Variants in SORCS1 observed in about 807,000 individuals in gnomAD.
The protein encoded by SORCS1 is sortilin related VPS10 domain containing receptor 1, also known as VPS10 domain-containing receptor SorCS1.
Under a neutral mutation model 146.1 loss-of-function variants are expected in SORCS1, and 60 were observed. The observed-to-expected ratio is 0.41, with a 90% CI of 0.33 to 0.51. SORCS1 has a LOEUF of 0.51. SORCS1 is among the 20% of genes least tolerant of loss of function. The pLI, the probability that SORCS1 is intolerant of heterozygous loss-of-function variation, is 0.21. For synonymous variants in SORCS1, 637 were observed against 584.0 expected (o/e 1.09, Z -1.31); for missense variants, 1,352 against 1,487.6 (o/e 0.91, Z 1.50).
At chr10:106,631,504 G>T (rs1848438747) in intron 18 of SORCS1, among the ~76,000 whole-genome samples, 1 of 152,184 alleles carries the variant, frequency 6.6e-6, no homozygotes, top group Admixed American at 6.5e-5. Context: ...GCCCACTTTT[G>T]AAGCAAGTAT....
At position 106,998,784 on chromosome 10, in the gene SORCS1, A is replaced by G. The variant is rs992093250; in HGVS notation, c.559-42204T>C. On this transcript the variant is annotated intron_variant, in intron 1 of 25. Transcript: ENST00000263054. ...ACTGGTGGTTATATCTCCTCTAAAA[A>G]TAACCTCTCTGATACACTGAGCTCC... 3.3e-5 allele frequency among the ~76,000 whole-genome samples: 5 copies of G among 152,240 alleles called. No individual in the cohort carries two copies. The East Asian group carries it at 9.6e-4, about 29-fold the overall frequency.
chr10:107,034,680 C>CAAAA lies in SORCS1; in HGVS notation c.559-78104_559-78101dup, dbSNP rs553032484. ...GGGAAACATGAGCGAAACTCCATCT[C>CAAAA]AAAAAAAAAAAAAAAAAAAAAAAAA... On this transcript the variant is annotated intron_variant, in intron 1 of 25. Transcript: ENST00000263054. Among the ~76,000 whole-genome samples the CAAAA allele has an allele frequency of 1.8e-3, 25 of 13,794 alleles. 3 individuals are homozygous for CAAAA. Among genetic ancestry groups the CAAAA allele is most frequent in the Non-Finnish European group, 1.8e-3 (15 of 8,162 alleles). The allele number at this position is 13,794 out of a possible 152,430, so 9.0% of individuals were successfully genotyped here.
intron 10 of SORCS1, among the ~76,000 whole-genome samples, chr10:106,683,029 G>A (rs1852560306): frequency 6.6e-6 from 1 of 152,122 alleles, no homozygotes; most frequent in Admixed American, 6.6e-5. Context: ...TCTTTTCTGG[G>A]TCAGGTACAA....
chr10:106,749,731 A>C (rs1433458687), intron 5 of SORCS1, among the ~76,000 whole-genome samples: 2 of 152,182 alleles, frequency 1.3e-5, no homozygotes, highest in Non-Finnish European at 2.9e-5. Flanking sequence ...AAACACATTA[A>C]TATCCAACTC....
At chr10:107,149,774 G>C (rs1968620024) in intron 1 of SORCS1, among the ~76,000 whole-genome samples, 1 of 152,134 alleles carries the variant, frequency 6.6e-6, no homozygotes. Context: ...TGTTAGCCTT[G>C]GTTCCAAATA....
intron 1 of SORCS1, among the ~76,000 whole-genome samples, chr10:107,071,321 G>A (rs1475172224): frequency 6.6e-6 from 1 of 152,102 alleles, no homozygotes; most frequent in African/African-American, 2.4e-5. Context: ...CCGTAACAGT[G>A]TTGAAGCTTT....
chr10:106,864,085 T>C (rs1273850852), intron 2 of SORCS1, among the ~76,000 whole-genome samples: 1 of 152,180 alleles, frequency 6.6e-6, no homozygotes, highest in Non-Finnish European at 1.5e-5. Context: ...ATTCAATTAT[T>C]AGAAACTTAG....
At chr10:107,144,040 T>C (rs1968079871) in intron 1 of SORCS1, among the ~76,000 whole-genome samples, 1 of 152,168 alleles carries the variant, frequency 6.6e-6, no homozygotes, top group Non-Finnish European at 1.5e-5. Flanking sequence ...CTTCCTTTCA[T>C]GGGCTGTTCC....
chr10:106,714,638 T>C (rs1490379180), intron 6 of SORCS1, among the ~76,000 whole-genome samples: 1 of 152,170 alleles, frequency 6.6e-6, no homozygotes, highest in African/African-American at 2.4e-5. Flanking sequence ...TATATATATC[T>C]ATAAATGTAT....
At chr10:106,978,730 G>A (rs1367440697) in intron 1 of SORCS1, among the ~76,000 whole-genome samples, 12 of 151,802 alleles carry the variant, frequency 7.9e-5, no homozygotes, top group Non-Finnish European at 1.3e-4. Context: ...CCCAGGAGGC[G>A]GAGGTAGCAG....
chr10:106,619,733 C>A (rs900232874), intron 20 of SORCS1, among the ~76,000 whole-genome samples: 5 of 152,138 alleles, frequency 3.3e-5, no homozygotes, highest in African/African-American at 1.2e-4. Context: ...GCAAACCACT[C>A]CAGCTGCACC....
chr10:106,653,828 T>C (rs1175194614), intron 17 of SORCS1, among the ~76,000 whole-genome samples: 1 of 152,216 alleles, frequency 6.6e-6, no homozygotes, highest in Non-Finnish European at 1.5e-5. Flanking sequence ...CAAGTGCTCA[T>C]AAAATATTAC....
At chr10:106,621,746 T>C (rs1847760845) in intron 19 of SORCS1, among the ~76,000 whole-genome samples, 1 of 152,044 alleles carries the variant, frequency 6.6e-6, no homozygotes, top group Admixed American at 6.6e-5. Flanking sequence ...AATTTCAATT[T>C]CTTTTTTGTT....
intron 3 of SORCS1, among the ~76,000 whole-genome samples, chr10:106,777,824 C>T (rs1373890273): frequency 1.3e-5 from 2 of 152,078 alleles, no homozygotes; most frequent in African/African-American, 4.8e-5. Context: ...AGACAGGTGG[C>T]CTTAATGCTA....
intron 4 of SORCS1, among the ~76,000 whole-genome samples, chr10:106,773,133 T>C (rs1177669586): frequency 6.6e-6 from 1 of 152,200 alleles, no homozygotes. Context: ...TAAAACAGCA[T>C]CCAGCAGAGA....
chr10:107,130,559 C>A (rs1191867921), intron 1 of SORCS1, among the ~76,000 whole-genome samples: 1 of 152,180 alleles, frequency 6.6e-6, no homozygotes, highest in East Asian at 1.9e-4. Context: ...AACGGCCTCA[C>A]ATGGCTGACA....
intron 1 of SORCS1, among the ~76,000 whole-genome samples, chr10:107,085,314 C>T (rs553636074): frequency 2.6e-5 from 4 of 152,246 alleles, no homozygotes; most frequent in Middle Eastern, 3.4e-3. Context: ...TAAAAATTGG[C>T]CAGAGTATCA....
At chr10:106,645,137 A>T (rs1448412320) in intron 18 of SORCS1, among the ~76,000 whole-genome samples, 2 of 129,366 alleles carry the variant, frequency 1.5e-5, no homozygotes, top group African/African-American at 6.7e-5. Flanking sequence ...TGATATTATT[A>T]GCATTTTTTT....
chr10:106,978,206 C>T (rs1023088327), intron 1 of SORCS1, among the ~76,000 whole-genome samples: 7 of 152,104 alleles, frequency 4.6e-5, no homozygotes, highest in African/African-American at 1.7e-4. Context: ...CGGCCTCCCA[C>T]AGTGCTGCAA....
Sources: gnomAD v4.1 joint callset for allele counts (sites outside exome capture counted in the v4.1 genomes callset) on GRCh38, gnomAD v4.1.1 for gene constraint, MANE v1.5 for transcripts, NCBI Gene and HGNC (gene_info 2026-07-23, HGNC 2026-07-21) for gene names.